RARB: variants seen among roughly 807,000 people sequenced by gnomAD.
RARB encodes HBV-activated protein.
RARB carries 17 observed loss-of-function variants against 51.9 expected under a neutral mutation model. The ratio of observed to expected loss-of-function variants is 0.33; its 90% CI spans 0.22 to 0.49. The LOEUF is 0.49. Ranked by LOEUF, RARB falls within the 20% of genes least tolerant of loss-of-function variation. The probability of loss-of-function intolerance (pLI) is 0.99; values close to 1 mark genes in which losing one functional copy is unlikely to be tolerated. For missense variants in RARB, 369 were observed against 550.8 expected, an observed-to-expected ratio of 0.67 and a Z score of 3.30; for synonymous variants, 215 against 195.4, an observed-to-expected ratio of 1.10 and a Z score of -0.84.
At chr3:25,384,249 G>A (rs560984048) in intron 5 of RARB, among the ~76,000 whole-genome samples, 43 of 152,254 alleles carry the variant, frequency 2.8e-4, no homozygotes, top group African/African-American at 1.0e-3. Flanking sequence ...GCTTTTATCT[G>A]AAAAGTCAGT....
chr3:25,293,890 A>G (rs1048398040), intron 5 of RARB, among the ~76,000 whole-genome samples: 3 of 152,254 alleles, frequency 2.0e-5, no homozygotes, highest in South Asian at 2.1e-4. Context: ...CTGGAGCTCA[A>G]TTTCACATGT....
chr3:24,899,683 G>A (rs1703556744), intron 2 of RARB, among the ~76,000 whole-genome samples: 1 of 152,140 alleles, frequency 6.6e-6, no homozygotes, highest in African/African-American at 2.4e-5. Context: ...AAAAATTGCA[G>A]ATGAGCCTTC....
At chr3:24,909,682 T>C (rs1215514245) in intron 2 of RARB, among the ~76,000 whole-genome samples, 1 of 152,242 alleles carries the variant, frequency 6.6e-6, no homozygotes, top group Non-Finnish European at 1.5e-5. Context: ...TCAGTTTTAT[T>C]TACTAGGGAT....
At position 25,365,264 on chromosome 3, in the gene RARB, T is replaced by A. The variant is rs564088928; in HGVS notation, c.179-95929T>A. On this transcript the variant is annotated intron_variant, in intron 5 of 11. Transcript: ENST00000383772. ...AAGGGATTCTAGCCAGGAATACAGG[T>A]GCATGTCACCATGCCCAGCTAATTT... Among the ~76,000 whole-genome samples the A allele has an allele frequency of 1.1e-4, 15 of 137,036 alleles. No homozygotes were observed. In the South Asian group the frequency reaches 1.2e-3, roughly 11 times the overall value. The allele number at this position is 137,036 out of a possible 152,430, so 89.9% of individuals were successfully genotyped here. A position where few individuals can be genotyped will look rare whatever the true frequency, so the allele number is the denominator to read the frequency against.
At chr3:24,975,780 GTTA>G (rs746649177) in intron 2 of RARB, among the ~76,000 whole-genome samples, 8 of 149,022 alleles carry the variant, frequency 5.4e-5, no homozygotes, top group East Asian at 2.0e-4. Context: ...TTTTTTTTTT[GTTA>G]TTATACATTA....
intron 5 of RARB, among the ~76,000 whole-genome samples, chr3:25,292,494 G>A (rs1703814410): frequency 6.6e-6 from 1 of 152,118 alleles, no homozygotes; most frequent in South Asian, 2.1e-4. Flanking sequence ...ATGGGGAAAA[G>A]CCTATAGAAA....
At chr3:24,860,151 G>A (rs1038567352) in intron 2 of RARB, among the ~76,000 whole-genome samples, 1 of 152,108 alleles carries the variant, frequency 6.6e-6, no homozygotes. Flanking sequence ...ATGTCAGAGG[G>A]GTTAGTGCCT....
chr3:25,251,962 G>T (rs1254092655), intron 5 of RARB, among the ~76,000 whole-genome samples: 2 of 151,838 alleles, frequency 1.3e-5, no homozygotes, highest in African/African-American at 2.4e-5. Flanking sequence ...TTATGCCTGT[G>T]TTTTTTTCTA....
At chr3:24,972,435 A>T (rs1696420654) in intron 2 of RARB, among the ~76,000 whole-genome samples, 1 of 152,066 alleles carries the variant, frequency 6.6e-6, no homozygotes, top group African/African-American at 2.4e-5. Flanking sequence ...CTTGTGAATC[A>T]TGCTGCAATA....
chr3:25,251,345 T>C (rs553489689), intron 5 of RARB, among the ~76,000 whole-genome samples: 1 of 152,268 alleles, frequency 6.6e-6, no homozygotes, highest in South Asian at 2.1e-4. Flanking sequence ...TGTACAAGTT[T>C]TTTCATGGAC....
At chr3:25,408,866 T>C (rs755046091) in intron 5 of RARB, among the ~76,000 whole-genome samples, 10 of 152,140 alleles carry the variant, frequency 6.6e-5, no homozygotes, top group Non-Finnish European at 1.3e-4. Context: ...AAATGCAGTC[T>C]CTACTAAAAA....
At chr3:25,373,496 T>G (rs1338870426) in intron 5 of RARB, among the ~76,000 whole-genome samples, 2 of 152,114 alleles carry the variant, frequency 1.3e-5, no homozygotes, top group Admixed American at 1.3e-4. Context: ...GAATAAGAAG[T>G]TCCCAGAAGT....
chr3:25,219,670 T>G (rs1435461124), intron 5 of RARB, among the ~76,000 whole-genome samples: 1 of 152,166 alleles, frequency 6.6e-6, no homozygotes, highest in African/African-American at 2.4e-5. Context: ...ATCTTCAAAT[T>G]AAGCATGTGC....
chr3:25,508,757 G>GC (rs1559441896), intron 3 of RARB, among the ~76,000 whole-genome samples: 1 of 151,912 alleles, frequency 6.6e-6, no homozygotes, highest in East Asian at 1.9e-4. Flanking sequence ...TCCCTGAAGA[G>GC]CCCCCCAAAA....
In RARB at chr3:25,274,336, C is replaced by A. The variant is rs143100600; in HGVS notation, c.178+99761C>A. 4.3e-3 allele frequency among the ~76,000 whole-genome samples: 648 copies of A among 152,212 alleles called. 2 individuals carry two copies. Among genetic ancestry groups the A allele is most frequent in the African/African-American group, 0.014 (563 of 41,516 alleles). ...CGTTCAAGTGCTCAGCAGCCACACG[C>A]AACTAATGGCCATAGGCTACCATAC... On this transcript the variant is annotated intron_variant, in intron 5 of 11. Coordinates refer to the RARB transcript ENST00000383772.
chr3:25,327,136 A>G (rs922226728), intron 5 of RARB, among the ~76,000 whole-genome samples: 1 of 152,174 alleles, frequency 6.6e-6, no homozygotes, highest in Non-Finnish European at 1.5e-5. Context: ...GGAGCAGGGA[A>G]GAGAGATTTA....
intron 3 of RARB, among the ~76,000 whole-genome samples, chr3:25,126,310 G>A (rs1423635995): frequency 6.6e-6 from 1 of 152,012 alleles, no homozygotes; most frequent in Non-Finnish European, 1.5e-5. Context: ...CCATTCTCTT[G>A]TGTGCAATTA....
chr3:25,284,561 T>C (rs1703603994), intron 5 of RARB, among the ~76,000 whole-genome samples: 1 of 152,046 alleles, frequency 6.6e-6, no homozygotes, highest in South Asian at 2.1e-4. Context: ...AGTAGCTAAC[T>C]AATATAGTGA....
chr3:25,097,139 A>G (rs1233862497), intron 3 of RARB, among the ~76,000 whole-genome samples: 1 of 152,104 alleles, frequency 6.6e-6, no homozygotes, highest in African/African-American at 2.4e-5. Flanking sequence ...TAACAATTCT[A>G]CCCTTCATGT....
Sources: gnomAD v4.1 joint callset for allele counts (sites outside exome capture counted in the v4.1 genomes callset) on GRCh38, gnomAD v4.1.1 for gene constraint, MANE v1.5 for transcripts, NCBI Gene and HGNC (gene_info 2026-07-23, HGNC 2026-07-21) for gene names.